Variants in ARID1B observed in about 807,000 individuals in gnomAD.
ARID1B encodes AT-rich interactive domain-containing protein 1B.
Under a neutral mutation model 212.3 loss-of-function variants are expected in ARID1B, and 30 were observed. The observed-to-expected ratio is 0.14, with a 90% CI of 0.11 to 0.19. The LOEUF (loss-of-function observed/expected upper bound fraction) is 0.19. Ranked by LOEUF, ARID1B falls within the 10% of genes least tolerant of loss-of-function variation. The pLI is 1.00. For missense variants in ARID1B, 2,891 were observed against 3,204.0 expected, an observed-to-expected ratio of 0.90 and a Z score of 2.36; for synonymous variants, 1,402 against 1,301.7, an observed-to-expected ratio of 1.08 and a Z score of -1.66.
In ARID1B at chr6:156,976,104, A is replaced by G. The variant is rs537909806; in HGVS notation, c.2247+40528A>G. ...GAGGGGGTGTATTGTCACAAAGTCA[A>G]TTGATCAGTCAGGGTGGGGCAGGAA... is the stretch of plus-strand genomic sequence containing the variant. On this transcript the variant is annotated intron_variant, in intron 4 of 19. Transcript: ENST00000636930. Among the ~76,000 whole-genome samples, 4 of 152,300 alleles carry G rather than the reference A, an allele frequency of 2.6e-5. No individual in the cohort carries two copies. In the South Asian group the frequency reaches 6.2e-4, roughly 24 times the overall value.
At chr6:156,935,232 C>G (rs1005282365) in intron 3 of ARID1B, among the ~76,000 whole-genome samples, 10 of 151,612 alleles carry the variant, frequency 6.6e-5, no homozygotes, top group African/African-American at 2.4e-4. Context: ...AGCTGCACCA[C>G]CACACTCGGC....
intron 2 of ARID1B, among the ~76,000 whole-genome samples, chr6:156,844,487 A>C (rs1784099412): frequency 6.6e-6 from 1 of 152,236 alleles, no homozygotes; most frequent in Non-Finnish European, 1.5e-5. Context: ...CCTCTATGGC[A>C]GTTAAGTTTA....
At chr6:156,892,050 T>C (rs886081693) in intron 2 of ARID1B, among the ~76,000 whole-genome samples, 14 of 91,606 alleles carry the variant, frequency 1.5e-4, no homozygotes, top group African/African-American at 5.3e-4. Flanking sequence ...TTTCTTTTTT[T>C]TTTTTTTTTC....
chr6:156,965,203 G>T (rs1794660147), intron 4 of ARID1B, among the ~76,000 whole-genome samples: 1 of 152,176 alleles, frequency 6.6e-6, no homozygotes, highest in South Asian at 2.1e-4. Context: ...GTTTTTTAAA[G>T]CTTCAAAGGA....
chr6:157,183,691 G>A (rs1792737451), intron 12 of ARID1B, among the ~76,000 whole-genome samples: 1 of 152,214 alleles, frequency 6.6e-6, no homozygotes, highest in Non-Finnish European at 1.5e-5. Context: ...AGCAGGGCTG[G>A]TGGCCAGTGG....
intron 8 of ARID1B, among the ~76,000 whole-genome samples, chr6:157,158,019 G>A (rs948966096): frequency 3.9e-5 from 6 of 152,182 alleles, no homozygotes; most frequent in African/African-American, 1.4e-4. Flanking sequence ...GTAAGACCCT[G>A]TCTCTTAAAA....
At chr6:156,873,031 G>A (rs1054878781) in intron 2 of ARID1B, among the ~76,000 whole-genome samples, 1 of 145,194 alleles carries the variant, frequency 6.9e-6, no homozygotes, top group Non-Finnish European at 1.5e-5. Context: ...CTGTCGGACA[G>A]CGAGGCAGTG....
In ARID1B at chr6:157,207,672, C is replaced by T. The variant is rs746506227; in HGVS notation, c.6900C>T (p.His2300=). 29 of 1,612,292 alleles carry T rather than the reference C, an allele frequency of 1.8e-5. No individual in the cohort carries two copies. In the East Asian group the frequency reaches 6.5e-4, roughly 36 times the overall value. ...VTMAQYQQSQ[H]NLMHMQPPPL... Reference sequence around the variant, plus strand: ...TGGCCCAGTACCAGCAGAGCCAGCACAACCTCATGCACATGCAGCCCCCGC... The same window carrying T: ...TGGCCCAGTACCAGCAGAGCCAGCATAACCTCATGCACATGCAGCCCCCGC... Residue 2300 remains histidine (H), a synonymous_variant, in exon 20 of 20, where the codon CAC becomes CAT. Transcript: ENST00000636930. The surrounding 1 kb of genome is among the most constrained non-coding windows in gnomAD (Gnocchi z 8.5).
chr6:157,050,333 C>G (rs1226809889), intron 4 of ARID1B, among the ~76,000 whole-genome samples: 1 of 152,142 alleles, frequency 6.6e-6, no homozygotes, highest in Non-Finnish European at 1.5e-5. Context: ...GTCATGAGGT[C>G]AGGAGTTTGA....
chr6:156,799,488 A>G (rs982001885), intron 1 of ARID1B, among the ~76,000 whole-genome samples: 2 of 152,114 alleles, frequency 1.3e-5, no homozygotes, highest in Non-Finnish European at 2.9e-5. Context: ...GTTGATATAT[A>G]TATATTTGGA....
intron 5 of ARID1B, among the ~76,000 whole-genome samples, chr6:157,102,220 T>G (rs1223575096): frequency 6.6e-6 from 1 of 152,218 alleles, no homozygotes; most frequent in Non-Finnish European, 1.5e-5. Context: ...CACCTCATGT[T>G]TATTCTCTAC....
intron 4 of ARID1B, among the ~76,000 whole-genome samples, chr6:157,003,174 C>T (rs949417215): frequency 2.0e-5 from 3 of 152,164 alleles, no homozygotes; most frequent in Admixed American, 2.0e-4. Flanking sequence ...ATTTTATTTT[C>T]GCCTGGGACA....
At chr6:156,933,179 A>G (rs1402517759) in intron 3 of ARID1B, among the ~76,000 whole-genome samples, 1 of 152,220 alleles carries the variant, frequency 6.6e-6, no homozygotes, top group East Asian at 1.9e-4. Context: ...AAAAAGAAAC[A>G]TAAAAGGGTA....
intron 11 of ARID1B, 41 bp downstream of exon 11, chr6:157,175,046 T>TG: frequency 7.5e-7 from 1 of 1,329,334 alleles, no homozygotes; most frequent in Non-Finnish European, 9.7e-7. Flanking sequence ...TTGTTTTTTG[T>TG]TTTTTTGGGG....
intron 2 of ARID1B, among the ~76,000 whole-genome samples, chr6:156,877,281 T>C (rs1372180784): frequency 6.6e-6 from 1 of 152,206 alleles, no homozygotes; most frequent in Non-Finnish European, 1.5e-5. Context: ...GACTCCTGTC[T>C]TCCTGTTCAC....
chr6:156,818,927 T>TA (rs1268018190), intron 1 of ARID1B, among the ~76,000 whole-genome samples: 5 of 151,440 alleles, frequency 3.3e-5, no homozygotes, highest in Admixed American at 3.3e-4. Context: ...ATGATGATAA[T>TA]AAAATCTATC....
At position 157,149,148 on chromosome 6, in the gene ARID1B, T is replaced by C. The variant is rs998233167; in HGVS notation, c.3089+197T>C. ...CTAAGTGACAAACCATGTTTTATGA[T>C]ACATGAGGAAGGAATGTGAGCGGTG... On this transcript the variant is annotated intron_variant, in intron 8 of 19. Coordinates refer to ENST00000636930, the MANE Select transcript of ARID1B (RefSeq NM_001374828.1). 4.9e-6 allele frequency: 3 copies of C among 611,266 alleles called. No individual in the cohort carries two copies. The South Asian group carries it at 6.1e-5, about 12-fold the overall frequency. 37.9% of individuals were successfully genotyped at this position (611,266 alleles called of 1,614,324 possible). A position where few individuals can be genotyped will look rare whatever the true frequency, so the allele number is the denominator to read the frequency against.
intron 4 of ARID1B, among the ~76,000 whole-genome samples, chr6:157,003,050 G>T (rs1226556995): frequency 6.6e-6 from 1 of 152,182 alleles, no homozygotes; most frequent in Non-Finnish European, 1.5e-5. Flanking sequence ...GAAGTGGGAG[G>T]CCGGGAGGAT....
chr6:156,997,864 A>G (rs1204713016), intron 4 of ARID1B, among the ~76,000 whole-genome samples: 4 of 152,226 alleles, frequency 2.6e-5, no homozygotes, highest in African/African-American at 7.2e-5. Context: ...ATTACACAAA[A>G]TAAACTATAA....
Sources: gnomAD v4.1 joint callset for allele counts (sites outside exome capture counted in the v4.1 genomes callset) on GRCh38, gnomAD v4.1.1 for gene constraint, Gnocchi (gnomAD v3.1) non-coding constraint, MANE v1.5 for transcripts, NCBI Gene and HGNC (gene_info 2026-07-23, HGNC 2026-07-21) for gene names.